WDR72: variants seen among roughly 807,000 people sequenced by gnomAD.
WDR72 encodes the protein WD repeat-containing protein 72.
A neutral mutation model predicts 124.2 loss-of-function variants in WDR72; 120 were observed. The observed-to-expected ratio is 0.97, with a 90% CI of 0.83 to 1.12. The LOEUF (loss-of-function observed/expected upper bound fraction) is 1.12. WDR72 is among the 50% of genes most tolerant of loss of function. The pLI is 0.00. For synonymous variants in WDR72, 452 were observed against 441.7 expected (o/e 1.02, Z -0.29); for missense variants, 1,387 against 1,278.8 (o/e 1.08, Z -1.29).
At chr15:53,741,239 T>A (rs932065865) in intron 1 of WDR72, among the ~76,000 whole-genome samples, 5 of 152,224 alleles carry the variant, frequency 3.3e-5, no homozygotes, top group African/African-American at 1.2e-4. Flanking sequence ...ACAAGGAATT[T>A]GGAGTTTATG....
chr15:53,665,858 C>T, intron 13 of WDR72, 90 bp from the exon 14 acceptor site: 2 of 1,314,874 alleles, frequency 1.5e-6, no homozygotes, highest in South Asian at 2.4e-5. Context: ...AGAAGAATCA[C>T]AATCCTTTAA....
At chr15:53,605,588 T>A (rs1214518278) in intron 17 of WDR72, among the ~76,000 whole-genome samples, 1 of 152,210 alleles carries the variant, frequency 6.6e-6, no homozygotes. Context: ...GGCATGGTGG[T>A]TCACACCTGT....
chr15:53,529,084 A>C (rs1892284551), intron 18 of WDR72, among the ~76,000 whole-genome samples: 3 of 150,732 alleles, frequency 2.0e-5, no homozygotes, highest in Non-Finnish European at 4.4e-5. Context: ...AGTCTGCATA[A>C]AGAAGGAAAC....
At chr15:53,671,301 T>A (rs1228288774) in intron 13 of WDR72, among the ~76,000 whole-genome samples, 2 of 152,186 alleles carry the variant, frequency 1.3e-5, no homozygotes, top group African/African-American at 4.8e-5. Flanking sequence ...CTCTAGCACA[T>A]CCTTCAGGTA....
In WDR72 at chr15:53,699,906, G is replaced by T; in HGVS notation, c.1609C>A (p.His537Asn). The T allele has an allele frequency of 6.2e-7, 1 of 1,614,130 alleles. No homozygotes were observed. The highest frequency in any genetic ancestry group is 1.1e-5 in the South Asian group (1 of 91,076). ...TCAAGGTGAAGGAGAGCCACGGAATGGTCACCGCACACACAGCAAATTATC... is the reference window on the plus strand; with the variant it reads ...TCAAGGTGAAGGAGAGCCACGGAATTGTCACCGCACACACAGCAAATTATC... Reference protein sequence around the residue: ...EQIICCVCGDHSVALLHLEGK... With the variant: ...EQIICCVCGDNSVALLHLEGK... Residue 537 changes from histidine (H) to asparagine (N), a missense_variant, in exon 13 of 20, where the codon CAT (histidine) becomes AAT (asparagine). Physicochemically the swap from His to Asn is moderately conservative, Grantham distance 68. Coordinates refer to ENST00000360509, the MANE Select transcript of WDR72 (RefSeq NM_182758.4).
chr15:53,732,361 T>G (rs1357041267), intron 2 of WDR72, among the ~76,000 whole-genome samples: 2 of 152,222 alleles, frequency 1.3e-5, no homozygotes, highest in Non-Finnish European at 2.9e-5. Context: ...AAATTGGGTC[T>G]AGAGACTGCT....
Position 53,615,736 on chromosome 15 carries a change from G to A in WDR72, c.2470C>T (p.Leu824Phe). 1 of 1,613,348 alleles carries A rather than the reference G, an allele frequency of 6.2e-7. No individual in the cohort carries two copies. Among genetic ancestry groups the A allele is most frequent in the Non-Finnish European group, 8.5e-7 (1 of 1,179,630 alleles). Residue 824 changes from leucine to phenylalanine, a missense_variant, in exon 15 of 20, where the codon CTT becomes TTT. Coordinates refer to ENST00000360509, the MANE Select transcript of WDR72 (RefSeq NM_182758.4). ...ATTCCCAAAGAAATAGGACCCTGAA[G>A]CTTTAAAATATTGAGGTGCTTAATG... ...LCIKHLNILK[L>F]QGPISLGISL...
chr15:53,711,270 A>G (rs774809328), intron 8 of WDR72, 66 bp downstream of exon 8: 4 of 1,610,246 alleles, frequency 2.5e-6, no homozygotes, highest in South Asian at 2.2e-5. Flanking sequence ...GGATTTTTCC[A>G]TAATAAACCT....
At chr15:53,552,501 T>G (rs564295104) in intron 18 of WDR72, among the ~76,000 whole-genome samples, 35 of 152,316 alleles carry the variant, frequency 2.3e-4, no homozygotes, top group Middle Eastern at 3.4e-3. Context: ...TGAAGCAGTC[T>G]CAATCTTCTT....
At chr15:53,758,653 G>A (rs1409841686) in intron 1 of WDR72, among the ~76,000 whole-genome samples, 1 of 151,594 alleles carries the variant, frequency 6.6e-6, no homozygotes, top group African/African-American at 2.4e-5. Flanking sequence ...AGAAAGGAAT[G>A]GTGTTTTGGC....
chr15:53,552,756 C>T (rs1289907910), intron 18 of WDR72, among the ~76,000 whole-genome samples: 1 of 152,150 alleles, frequency 6.6e-6, no homozygotes, highest in Non-Finnish European at 1.5e-5. Flanking sequence ...ACTTGGAAGA[C>T]AGTTACACAT....
chr15:53,725,794 G>C (rs2018006328), intron 2 of WDR72, among the ~76,000 whole-genome samples: 1 of 152,076 alleles, frequency 6.6e-6, no homozygotes, highest in South Asian at 2.1e-4. Context: ...GGGTTTGTGG[G>C]GAGCAGGAGA....
chr15:53,607,370 A>T (rs1368546946), intron 17 of WDR72, among the ~76,000 whole-genome samples: 2 of 152,192 alleles, frequency 1.3e-5, no homozygotes, highest in East Asian at 3.9e-4. Flanking sequence ...AAACAAATCC[A>T]TACACCTACT....
chr15:53,711,890 G>C (rs550886657), intron 7 of WDR72, among the ~76,000 whole-genome samples: 2 of 152,174 alleles, frequency 1.3e-5, no homozygotes, highest in Non-Finnish European at 2.9e-5. Flanking sequence ...CACCACACAA[G>C]TAAGACTGTA....
At chr15:53,680,165 G>A (rs567479883) in intron 13 of WDR72, among the ~76,000 whole-genome samples, 1 of 152,056 alleles carries the variant, frequency 6.6e-6, no homozygotes, top group South Asian at 2.1e-4. Context: ...AGATAAGATA[G>A]GTTAATAGAA....
At chr15:53,616,359 G>C (rs2013767802) in intron 14 of WDR72, 116 bp from the exon 15 acceptor site, 2 of 739,648 alleles carry the variant, frequency 2.7e-6, no homozygotes, top group Non-Finnish European at 4.3e-6. Flanking sequence ...CTAAAGGCAA[G>C]TCATTTCAAT....
At chr15:53,520,988 C>G (rs1177782101) in intron 19 of WDR72, among the ~76,000 whole-genome samples, 2 of 152,034 alleles carry the variant, frequency 1.3e-5, no homozygotes, top group African/African-American at 4.8e-5. Context: ...TTTATCCACA[C>G]AAGGAGCAAT....
chr15:53,610,071 T>C (rs2013473686), intron 16 of WDR72, among the ~76,000 whole-genome samples: 1 of 152,098 alleles, frequency 6.6e-6, no homozygotes, highest in Non-Finnish European at 1.5e-5. Flanking sequence ...AAAGACTTCC[T>C]TTGATTTGTC....
chr15:53,523,422 T>A, intron 18 of WDR72, 100 bp from the exon 19 acceptor site: 1 of 1,095,342 alleles, frequency 9.1e-7, no homozygotes, highest in Non-Finnish European at 1.4e-6. Context: ...CCACAGATAT[T>A]TCCAGGGACA....
Sources: allele counts gnomAD v4.1 joint callset (sites outside exome capture counted in the v4.1 genomes callset), GRCh38; gene constraint gnomAD v4.1.1; transcripts MANE v1.5; gene names NCBI Gene and HGNC (gene_info 2026-07-23, HGNC 2026-07-21).